FRS2: variants seen among roughly 807,000 people sequenced by gnomAD.
FRS2 encodes the protein fibroblast growth factor receptor substrate 2.
A neutral mutation model predicts 43.9 loss-of-function variants in FRS2; 8 were observed. The ratio of observed to expected loss-of-function variants is 0.18; its 90% CI spans 0.11 to 0.33. The LOEUF (loss-of-function observed/expected upper bound fraction) is 0.33. Among genes scored for constraint, FRS2 ranks in the 10% least tolerant of loss-of-function variants. The pLI is 1.00. For missense variants in FRS2, 534 were observed against 627.6 expected (o/e 0.85, Z 1.59); for synonymous variants, 219 against 220.3 (o/e 0.99, Z 0.05).
intron 1 of FRS2, among the ~76,000 whole-genome samples, chr12:69,514,641 TG>T (rs1487148486): frequency 1.3e-5 from 2 of 152,116 alleles, no homozygotes; most frequent in African/African-American, 4.8e-5. Flanking sequence ...TAGACCAGCC[TG>T]GCCAACATGG....
chr12:69,558,708 A>G (rs1203040667), intron 3 of FRS2, among the ~76,000 whole-genome samples: 1 of 152,158 alleles, frequency 6.6e-6, no homozygotes, highest in Admixed American at 6.5e-5. Context: ...ATGTTTTGAT[A>G]GCACCAGCAC....
At chr12:69,564,399 TTCTCCCTCAAACACATACTTATG>T (rs1880113701) in intron 4 of FRS2, among the ~76,000 whole-genome samples, 1 of 152,304 alleles carries the variant, frequency 6.6e-6, no homozygotes, top group East Asian at 1.9e-4. Flanking sequence ...ATGTTTTACC[TTCTCCCTCAAACACATACTTATG>T]TACTTAACTA....
chr12:69,483,882 C>G (rs901195677), intron 1 of FRS2, among the ~76,000 whole-genome samples: 5 of 152,086 alleles, frequency 3.3e-5, no homozygotes, highest in African/African-American at 1.2e-4. Context: ...ATTACTAGTA[C>G]TGTTTCACTG....
At chr12:69,570,586 G>C in intron 6 of FRS2, 69 bp downstream of exon 6, 1 of 893,920 alleles carries the variant, frequency 1.1e-6, no homozygotes, top group Non-Finnish European at 1.8e-6. Flanking sequence ...TGTATACAAA[G>C]ATTAAATTAA....
intron 3 of FRS2, among the ~76,000 whole-genome samples, chr12:69,551,429 G>C (rs1244280921): frequency 6.6e-6 from 1 of 152,240 alleles, no homozygotes; most frequent in African/African-American, 2.4e-5. Flanking sequence ...ATGAGCTCAA[G>C]TGTAGTTATG....
rs765472214 is a variant in FRS2, at chr12:69,574,962, A to G, written c.*7A>G. On this transcript the variant is annotated 3_prime_UTR_variant, in exon 9 of 9. Coordinates refer to ENST00000549921, the MANE Select transcript of FRS2 (RefSeq NM_001278356.2). ...TACTGATCTGCCCATGTGAGCCTGG[A>G]AAGCATTGTGTTGTTTGCACCTTTG... is the stretch of plus-strand genomic sequence containing the variant. 13 of 1,561,966 alleles carry G rather than the reference A, an allele frequency of 8.3e-6. No homozygotes were observed. Among genetic ancestry groups the G allele is most frequent in the Admixed American group, 3.4e-5 (2 of 59,326 alleles).
chr12:69,474,361 A>G (rs1382065567), intron 1 of FRS2, among the ~76,000 whole-genome samples: 1 of 152,174 alleles, frequency 6.6e-6, no homozygotes, highest in East Asian at 1.9e-4. Flanking sequence ...GAATAATACA[A>G]ATAGGTGTAC....
chr12:69,552,609 G>A (rs1050576418), intron 3 of FRS2, among the ~76,000 whole-genome samples: 1 of 152,054 alleles, frequency 6.6e-6, no homozygotes, highest in Non-Finnish European at 1.5e-5. Context: ...TTAATCCTAG[G>A]TATCTTATTA....
intron 1 of FRS2, among the ~76,000 whole-genome samples, chr12:69,526,953 GA>G (rs1293085141): frequency 1.3e-5 from 2 of 152,114 alleles, no homozygotes; most frequent in Non-Finnish European, 2.9e-5. Context: ...TCGATCTCCT[GA>G]CCTCGTGATC....
intron 3 of FRS2, among the ~76,000 whole-genome samples, chr12:69,558,024 ATC>A (rs942000197): frequency 6.6e-6 from 1 of 152,150 alleles, no homozygotes; most frequent in Non-Finnish European, 1.5e-5. Context: ...AAACAAATGA[ATC>A]TCTATATATA....
intron 1 of FRS2, among the ~76,000 whole-genome samples, chr12:69,498,662 G>T (rs910477522): frequency 6.6e-6 from 1 of 151,952 alleles, no homozygotes; most frequent in African/African-American, 2.4e-5. Flanking sequence ...CAAAAGATTG[G>T]ACACCCCTGG....
chr12:69,558,858 C>G (rs1038590115), intron 3 of FRS2, among the ~76,000 whole-genome samples: 8 of 152,284 alleles, frequency 5.3e-5, no homozygotes, highest in African/African-American at 1.9e-4. Flanking sequence ...AATAGGTGCT[C>G]AGAAAATACG....
chr12:69,545,490 G>T (rs532225307), intron 3 of FRS2, among the ~76,000 whole-genome samples: 40 of 152,156 alleles, frequency 2.6e-4, no homozygotes, highest in Middle Eastern at 3.4e-3. Flanking sequence ...CGATGTTGTG[G>T]CTCACACCTG....
chr12:69,473,316 C>T (rs924502232), intron 1 of FRS2, among the ~76,000 whole-genome samples: 2 of 152,238 alleles, frequency 1.3e-5, no homozygotes, highest in African/African-American at 4.8e-5. Flanking sequence ...GTTTCTACTG[C>T]ATCATGTTGC....
chr12:69,534,333 T>G (rs1168255041), intron 3 of FRS2, among the ~76,000 whole-genome samples: 1 of 152,208 alleles, frequency 6.6e-6, no homozygotes, highest in African/African-American at 2.4e-5. Context: ...CTGGCTTGAT[T>G]TTATTTTTTC....
Position 69,508,061 on chromosome 12 carries a change from G to T in FRS2, c.-260-22804G>T, listed in dbSNP as rs572774159. On this transcript the variant is annotated intron_variant, in intron 1 of 8. Transcript: ENST00000549921. ...AAAAAAAAAAAAAAAAAAAGTTGCT[G>T]CAGTGCTGCAGTTCTTGCAGATAAG... Among the ~76,000 whole-genome samples the T allele has an allele frequency of 1.9e-4, 28 of 144,432 alleles. No individual in the cohort carries two copies. In the South Asian group the frequency reaches 5.3e-3, roughly 27 times the overall value. 94.8% of individuals were successfully genotyped at this position (144,432 alleles called of 152,430 possible).
intron 1 of FRS2, among the ~76,000 whole-genome samples, chr12:69,484,214 A>G (rs1871622081): frequency 6.6e-6 from 1 of 151,782 alleles, no homozygotes; most frequent in Non-Finnish European, 1.5e-5. Context: ...CCTCCTGAGT[A>G]GCTGGGACTA....
chr12:69,489,692 ATTGG>A (rs1158008851), intron 1 of FRS2, among the ~76,000 whole-genome samples: 7 of 150,890 alleles, frequency 4.6e-5, no homozygotes, highest in East Asian at 1.9e-4. Context: ...AAAGAAAATT[ATTGG>A]TTGGTTGGTG....
intron 3 of FRS2, among the ~76,000 whole-genome samples, chr12:69,546,368 AC>A (rs1427018440): frequency 1.3e-5 from 2 of 151,914 alleles, no homozygotes; most frequent in Admixed American, 6.6e-5. Context: ...AGTGATTCTT[AC>A]GTCTCAGCCT....
Sources: gnomAD v4.1 joint callset for allele counts (sites outside exome capture counted in the v4.1 genomes callset) on GRCh38, gnomAD v4.1.1 for gene constraint, MANE v1.5 for transcripts, NCBI Gene and HGNC (gene_info 2026-07-23, HGNC 2026-07-21) for gene names.